KALRN: variants seen among roughly 807,000 people sequenced by gnomAD.
KALRN encodes kalirin RhoGEF kinase.
Under a neutral mutation model 353.7 loss-of-function variants are expected in KALRN, and 70 were observed. The observed-to-expected ratio is 0.20, with a 90% confidence interval of 0.16 to 0.24. The LOEUF (loss-of-function observed/expected upper bound fraction) is 0.24. Ranked by LOEUF, KALRN falls within the 10% of genes least tolerant of loss-of-function variation. The pLI is 1.00. For synonymous variants in KALRN, 1,391 were observed against 1,434.8 expected, an observed-to-expected ratio of 0.97 and a Z score of 0.69; for missense variants, 2,791 against 3,756.7, an observed-to-expected ratio of 0.74 and a Z score of 6.72.
At chr3:124,565,233 C>A (rs1198539258) in intron 34 of KALRN, among the ~76,000 whole-genome samples, 1 of 152,194 alleles carries the variant, frequency 6.6e-6, no homozygotes, top group Non-Finnish European at 1.5e-5. Context: ...TCTCCTCGTG[C>A]CCTCCACTCC....
At position 124,496,355 on chromosome 3, in the gene KALRN, A is replaced by G; in HGVS notation, c.4877A>G (p.Gln1626Arg). The G allele has an allele frequency of 6.2e-7, 1 of 1,611,426 alleles. No homozygotes were observed. The change falls in exon 33 of 60, where the codon CAA becomes CGA. Residue 1626 changes from glutamine to arginine, a missense_variant. Gln to Arg is a conservative substitution (Grantham distance 43, BLOSUM62 1). Transcript: ENST00000682506. ...DIDSQGDGSSQPDTISIASRT... is the reference protein window; with the variant it reads ...DIDSQGDGSSRPDTISIASRT... The stretch of plus-strand genomic sequence containing the variant: ...GACAGCCAGGGGGATGGGAGCAGCC[A>G]ACCAGACACCATCTCCATTGCTTCT...
intron 1 of KALRN, among the ~76,000 whole-genome samples, chr3:124,073,895 A>G (rs1310969355): frequency 1.3e-5 from 2 of 152,150 alleles, no homozygotes; most frequent in Non-Finnish European, 1.5e-5. Flanking sequence ...TTCTCCATCA[A>G]GGCACTGATC....
intron 9 of KALRN, among the ~76,000 whole-genome samples, chr3:124,346,402 A>G (rs1385575428): frequency 6.6e-6 from 1 of 152,136 alleles, no homozygotes; most frequent in Non-Finnish European, 1.5e-5. Flanking sequence ...TCTAAATATC[A>G]AGGAAACTGT....
intron 6 of KALRN, among the ~76,000 whole-genome samples, chr3:124,324,348 G>A (rs971588830): frequency 2.6e-5 from 4 of 152,194 alleles, no homozygotes; most frequent in Non-Finnish European, 5.9e-5. Flanking sequence ...CGAAATCAGT[G>A]TGTGCTTTCC....
At chr3:124,220,166 A>G (rs577636682) in intron 1 of KALRN, among the ~76,000 whole-genome samples, 1 of 152,110 alleles carries the variant, frequency 6.6e-6, no homozygotes, top group African/African-American at 2.4e-5. Flanking sequence ...GCTGGTCTCG[A>G]ACACCTGACC....
chr3:124,618,889 A>G (rs1238495173), intron 34 of KALRN, among the ~76,000 whole-genome samples: 2 of 152,210 alleles, frequency 1.3e-5, no homozygotes, highest in African/African-American at 2.4e-5. Context: ...AGGCAATCTC[A>G]GTTCCTACTT....
At chr3:124,715,960 A>C (rs2063116014) in intron 58 of KALRN, among the ~76,000 whole-genome samples, 1 of 152,128 alleles carries the variant, frequency 6.6e-6, no homozygotes, top group African/African-American at 2.4e-5. Context: ...GAACAGTAAT[A>C]TTCACCCACT....
At chr3:124,518,746 C>A in intron 33 of KALRN, 22 of 1,360,258 alleles carry the variant, frequency 1.6e-5, no homozygotes, top group Non-Finnish European at 2.1e-5. Context: ...GTGAGAGGCC[C>A]AATGGCCCAA....
intron 1 of KALRN, among the ~76,000 whole-genome samples, chr3:124,139,385 G>A (rs912155770): frequency 6.6e-6 from 1 of 152,178 alleles, no homozygotes; most frequent in African/African-American, 2.4e-5. Flanking sequence ...CCTATGGCAT[G>A]ATCCTCTTGA....
intron 34 of KALRN, among the ~76,000 whole-genome samples, chr3:124,627,443 G>C (rs566902094): frequency 2.0e-4 from 31 of 152,326 alleles, no homozygotes; most frequent in African/African-American, 7.5e-4. Flanking sequence ...GAAGAGGAAT[G>C]GTCATTCAAA....
At chr3:124,120,792 A>G (rs2063932137) in intron 1 of KALRN, among the ~76,000 whole-genome samples, 1 of 148,072 alleles carries the variant, frequency 6.8e-6, no homozygotes, top group Non-Finnish European at 1.5e-5. Context: ...TTTATGCAGC[A>G]CCTTCTCTTA....
intron 53 of KALRN, among the ~76,000 whole-genome samples, chr3:124,695,923 C>T (rs1202624677): frequency 6.6e-6 from 1 of 152,078 alleles, no homozygotes; most frequent in Non-Finnish European, 1.5e-5. Flanking sequence ...GTACAACAAA[C>T]TTGAGAGATG....
At position 124,666,609 on chromosome 3, in the gene KALRN, G is replaced by C. The variant is rs1446455434; in HGVS notation, c.6506G>C (p.Gly2169Ala). The C allele has an allele frequency of 6.2e-7, 1 of 1,613,958 alleles. No homozygotes were observed. The highest frequency in any genetic ancestry group is 8.5e-7 in the Non-Finnish European group (1 of 1,179,978). The change falls in exon 46 of 60, where the codon GGC becomes GCC. Residue 2169 changes from glycine (G) to alanine (A), a missense_variant. Coordinates refer to ENST00000682506, the MANE Select transcript of KALRN (RefSeq NM_001388419.1). ...ELLRKGSLTPGYMFKRSIKMN... is the reference protein window; with the variant it reads ...ELLRKGSLTPAYMFKRSIKMN... ...CTCAGGAAGGGATCCCTCACCCCTG[G>C]CTACATGTTCAAAAGGAGCATCAAG... is the stretch of plus-strand genomic sequence containing the variant.
chr3:124,252,546 C>T (rs1193470991), intron 3 of KALRN, among the ~76,000 whole-genome samples: 1 of 152,202 alleles, frequency 6.6e-6, no homozygotes, highest in Non-Finnish European at 1.5e-5. Context: ...CTTTGCACCA[C>T]CCCACTGCCC....
intron 1 of KALRN, among the ~76,000 whole-genome samples, chr3:124,192,757 A>G (rs1214794459): frequency 1.3e-5 from 2 of 152,244 alleles, no homozygotes; most frequent in Non-Finnish European, 2.9e-5. Context: ...GGACACAGCA[A>G]GAGGCCGGCC....
chr3:124,173,839 C>T (rs188709644), intron 1 of KALRN, among the ~76,000 whole-genome samples: 2 of 152,040 alleles, frequency 1.3e-5, no homozygotes, highest in Non-Finnish European at 2.9e-5. Context: ...TGGTCTCGAG[C>T]TCCTGACCTC....
intron 17 of KALRN, among the ~76,000 whole-genome samples, chr3:124,436,384 C>A (rs1367392697): frequency 6.6e-6 from 1 of 152,214 alleles, no homozygotes; most frequent in Non-Finnish European, 1.5e-5. Flanking sequence ...TGGGACAGAT[C>A]TCAAGTACTC....
intron 1 of KALRN, among the ~76,000 whole-genome samples, chr3:124,215,511 G>A (rs1221241595): frequency 6.6e-6 from 1 of 152,186 alleles, no homozygotes; most frequent in Non-Finnish European, 1.5e-5. Context: ...ATATCAAGAT[G>A]AACAGAGAAG....
intron 10 of KALRN, among the ~76,000 whole-genome samples, chr3:124,350,638 G>A (rs1022035636): frequency 3.3e-5 from 5 of 152,122 alleles, no homozygotes; most frequent in African/African-American, 1.2e-4. Context: ...GTGAGGGTGG[G>A]GGATGTTGCC....
Sources: gnomAD v4.1 joint callset for allele counts (sites outside exome capture counted in the v4.1 genomes callset) on GRCh38, gnomAD v4.1.1 for gene constraint, MANE v1.5 for transcripts, NCBI Gene and HGNC (gene_info 2026-07-23, HGNC 2026-07-21) for gene names.